Variants in ATP2B2 observed in about 807,000 individuals in gnomAD.
ATP2B2 encodes the protein plasma membrane calcium-transporting ATPase 2.
ATP2B2 carries 15 observed loss-of-function variants against 120.0 expected under a neutral mutation model. That is an observed-to-expected ratio of 0.12 (90% CI 0.08 to 0.19). The LOEUF is 0.19. Among genes scored for constraint, ATP2B2 ranks in the 10% least tolerant of loss-of-function variants. The pLI, the probability that ATP2B2 is intolerant of heterozygous loss-of-function variation, is 1.00. For synonymous variants in ATP2B2, 694 were observed against 700.3 expected (o/e 0.99, Z 0.14); for missense variants, 1,045 against 1,719.8 (o/e 0.61, Z 6.94).
At chr3:10,575,577 C>T (rs752090187) in intron 2 of ATP2B2, among the ~76,000 whole-genome samples, 3 of 152,174 alleles carry the variant, frequency 2.0e-5, no homozygotes, top group Non-Finnish European at 4.4e-5. Flanking sequence ...CTATGGAAGG[C>T]TCTTGAGCAG....
intron 21 of ATP2B2, among the ~76,000 whole-genome samples, chr3:10,339,730 T>C (rs2060222445): frequency 1.3e-5 from 2 of 152,120 alleles, no homozygotes; most frequent in Admixed American, 6.5e-5. Context: ...CCTGCTTGCG[T>C]TCCCTCTGAG....
chr3:10,634,942 G>A (rs544791193), intron 1 of ATP2B2, among the ~76,000 whole-genome samples: 70 of 152,304 alleles, frequency 4.6e-4, no homozygotes, highest in African/African-American at 1.7e-3. Context: ...TGGAACCAGG[G>A]CTTTTGCTCA....
intron 2 of ATP2B2, among the ~76,000 whole-genome samples, chr3:10,439,760 A>G (rs13069951): frequency 0.073 from 11,090 of 151,964 alleles, 492 homozygotes; most frequent in Middle Eastern, 0.099. Context: ...TCATGCCTGT[A>G]ATCCCAGCAC....
chr3:10,340,127 G>T lies in ATP2B2; in HGVS notation c.3237+115C>A. On this transcript the variant is annotated intron_variant, in intron 21 of 22. Coordinates refer to ENST00000360273, the MANE Select transcript of ATP2B2 (RefSeq NM_001001331.4). The surrounding 1 kb of genome is among the most constrained non-coding windows in gnomAD (Gnocchi z 5.0). ...CCCCTTGCTCAGATGTCCAGAGATA[G>T]GGAGGAGCTTGCCTGGGGTCTGGCA... The T allele has an allele frequency of 1.1e-6, 1 of 949,850 alleles. No individual in the cohort carries two copies. Among genetic ancestry groups the T allele is most frequent in the Non-Finnish European group, 1.7e-6 (1 of 604,236 alleles). The allele number at this position is 949,850 out of a possible 1,614,324, so 58.8% of individuals were successfully genotyped here.
At chr3:10,380,028 A>C (rs2061489021) in intron 8 of ATP2B2, among the ~76,000 whole-genome samples, 1 of 152,158 alleles carries the variant, frequency 6.6e-6, no homozygotes, top group East Asian at 1.9e-4. Flanking sequence ...GTTCTTGATG[A>C]AGTGCTCTGG....
intron 1 of ATP2B2, among the ~76,000 whole-genome samples, chr3:10,670,780 A>G (rs2071075936): frequency 6.6e-6 from 1 of 152,210 alleles, no homozygotes; most frequent in South Asian, 2.1e-4. Context: ...TGGACTTTCT[A>G]AACTACTCCA....
Position 10,328,651 on chromosome 3 carries a change from G to C in ATP2B2, c.*163C>G, listed in dbSNP as rs1224333331. 7.0e-6 allele frequency: 5 copies of C among 715,800 alleles called. No individual in the cohort carries two copies. Among genetic ancestry groups the C allele is most frequent in the Non-Finnish European group, 1.1e-5 (5 of 442,860 alleles). The allele number at this position is 715,800 out of a possible 1,614,324, so 44.3% of individuals were successfully genotyped here. ...GAGTTCAAACAGCATCGCAGCCAGA[G>C]AAAGGGTCTGTGGGTGGAAACGTTG... On this transcript the variant is annotated 3_prime_UTR_variant, in exon 23 of 23. Transcript: ENST00000360273.
chr3:10,508,270 G>A (rs1484549229), upstream of ATP2B2, among the ~76,000 whole-genome samples: 3 of 152,146 alleles, frequency 2.0e-5, no homozygotes, highest in Non-Finnish European at 4.4e-5. Flanking sequence ...CCCAGTTCTA[G>A]GCCCACCCTA....
intron 1 of ATP2B2, among the ~76,000 whole-genome samples, chr3:10,671,127 G>A (rs964431087): frequency 6.6e-6 from 1 of 152,248 alleles, no homozygotes; most frequent in African/African-American, 2.4e-5. Context: ...AGGCTGGCCT[G>A]AATCACACTA....
rs925002571 is a variant in ATP2B2, at chr3:10,326,477, C to G, written c.*2337G>C. On this transcript the variant is annotated 3_prime_UTR_variant, in exon 23 of 23. Coordinates refer to ENST00000360273, the MANE Select transcript of ATP2B2 (RefSeq NM_001001331.4). ...ATCCTGATGTCATGGAACGAGGTCACGGACACATGACTGATCAAAGAAGTG... is the reference window on the plus strand; with the variant it reads ...ATCCTGATGTCATGGAACGAGGTCAGGGACACATGACTGATCAAAGAAGTG... 2.6e-6 allele frequency: 1 copy of G among 378,796 alleles called. No homozygotes were observed. The highest frequency in any genetic ancestry group is 4.7e-6 in the Non-Finnish European group (1 of 213,920). 23.5% of individuals were successfully genotyped at this position (378,796 alleles called of 1,614,324 possible).
chr3:10,544,526 T>C (rs914538200), intron 2 of ATP2B2, among the ~76,000 whole-genome samples: 3 of 152,244 alleles, frequency 2.0e-5, no homozygotes, highest in Non-Finnish European at 2.9e-5. Flanking sequence ...GGTGATGAGC[T>C]CTTTTTAATA....
intron 3 of ATP2B2, among the ~76,000 whole-genome samples, chr3:10,511,310 C>T (rs2125437317): frequency 6.6e-6 from 1 of 152,238 alleles, no homozygotes; most frequent in East Asian, 1.9e-4. Context: ...TTGCAATTAA[C>T]CTTTTTATAT....
chr3:10,656,196 G>A (rs2070623152), intron 1 of ATP2B2, among the ~76,000 whole-genome samples: 1 of 152,178 alleles, frequency 6.6e-6, no homozygotes, highest in Non-Finnish European at 1.5e-5. Context: ...AGAGATGAAG[G>A]CCTTGATGTG....
intron 2 of ATP2B2, among the ~76,000 whole-genome samples, chr3:10,556,715 G>A (rs1464475995): frequency 1.3e-5 from 2 of 152,166 alleles, no homozygotes; most frequent in African/African-American, 4.8e-5. Context: ...GAACTGAAAT[G>A]TTATTCTGTC....
chr3:10,628,293 C>T (rs1037488232), intron 1 of ATP2B2, among the ~76,000 whole-genome samples: 3 of 151,804 alleles, frequency 2.0e-5, no homozygotes, highest in Admixed American at 2.0e-4. Flanking sequence ...ATGCAGGACT[C>T]CCAGAGGGAG....
intron 2 of ATP2B2, among the ~76,000 whole-genome samples, chr3:10,436,887 C>G (rs1214363960): frequency 6.6e-6 from 1 of 150,664 alleles, no homozygotes; most frequent in Non-Finnish European, 1.5e-5. Context: ...CCCCTTGCAT[C>G]TGTCTTCGTG....
At chr3:10,562,749 A>T (rs2067930746) in intron 2 of ATP2B2, among the ~76,000 whole-genome samples, 1 of 152,244 alleles carries the variant, frequency 6.6e-6, no homozygotes, top group Admixed American at 6.5e-5. Flanking sequence ...TATTCACTGC[A>T]ACGTTGCTTA....
chr3:10,462,570 C>T (rs143432028), intron 1 of ATP2B2, among the ~76,000 whole-genome samples: 2 of 152,166 alleles, frequency 1.3e-5, no homozygotes, highest in Non-Finnish European at 2.9e-5. Flanking sequence ...CTCAACAACC[C>T]CATGAGGTAG....
chr3:10,595,550 T>C (rs1475010111), intron 2 of ATP2B2, among the ~76,000 whole-genome samples: 1 of 152,210 alleles, frequency 6.6e-6, no homozygotes, highest in African/African-American at 2.4e-5. Flanking sequence ...AAATAGTAGA[T>C]GACCTGTCCA....
Sources: gnomAD v4.1 joint callset for allele counts (sites outside exome capture counted in the v4.1 genomes callset) on GRCh38, gnomAD v4.1.1 for gene constraint, Gnocchi (gnomAD v3.1) non-coding constraint, MANE v1.5 for transcripts, NCBI Gene and HGNC (gene_info 2026-07-23, HGNC 2026-07-21) for gene names.